The following AP3B1 variants were observed in gnomAD, a reference collection of about 807,000 sequenced individuals.
AP3B1 encodes the protein AP-3 complex subunit beta-1.
Under a neutral mutation model 132.5 loss-of-function variants are expected in AP3B1, and 61 were observed. The observed-to-expected ratio is 0.46, with a 90% CI of 0.37 to 0.57. The LOEUF is 0.57. Among genes scored for constraint, AP3B1 ranks in the 20% least tolerant of loss-of-function variants. AP3B1 has a pLI of 0.00. For synonymous variants in AP3B1, 388 were observed against 438.3 expected (o/e 0.89, Z 1.43); for missense variants, 1,120 against 1,289.4 (o/e 0.87, Z 2.01).
At chr5:78,259,827 G>C (rs748732079) in intron 2 of AP3B1, among the ~76,000 whole-genome samples, 12 of 151,978 alleles carry the variant, frequency 7.9e-5, no homozygotes, top group Non-Finnish European at 1.6e-4. Flanking sequence ...TAAATTGGCT[G>C]GGTGTGGTGG....
chr5:78,073,996 T>A (rs1285761223), intron 22 of AP3B1, among the ~76,000 whole-genome samples: 3 of 152,340 alleles, frequency 2.0e-5, no homozygotes, highest in African/African-American at 4.8e-5. Flanking sequence ...CATTAATAAC[T>A]ATAATTAGCA....
intron 22 of AP3B1, among the ~76,000 whole-genome samples, chr5:78,068,257 A>C (rs1441072325): frequency 6.6e-6 from 1 of 152,164 alleles, no homozygotes; most frequent in Non-Finnish European, 1.5e-5. Context: ...CCGGAGGTGG[A>C]GGTTGCAGTG....
rs535425278 is a variant in AP3B1 at position 78,098,497 on chromosome 5, A to T, written c.2470+2456T>A. Among the ~76,000 whole-genome samples the T allele has an allele frequency of 3.3e-5, 5 of 152,304 alleles. No individual in the cohort carries two copies. In the East Asian group the frequency reaches 9.6e-4, roughly 29 times the overall value. On this transcript the variant is annotated intron_variant, in intron 21 of 26. Transcript: ENST00000255194. ...TAACATTTACTCTTAGTTCCCTTTT[A>T]AATGTACTTTACTGTTATTCTTTTA... is the stretch of plus-strand genomic sequence containing the variant.
At chr5:78,084,227 C>A (rs1306512476) in intron 22 of AP3B1, among the ~76,000 whole-genome samples, 1 of 151,830 alleles carries the variant, frequency 6.6e-6, no homozygotes, top group African/African-American at 2.4e-5. Context: ...TCAGATGGGT[C>A]AATAAAAAGG....
intron 7 of AP3B1, among the ~76,000 whole-genome samples, chr5:78,189,539 G>A (rs982970733): frequency 2.0e-5 from 3 of 152,146 alleles, no homozygotes; most frequent in Non-Finnish European, 2.9e-5. Flanking sequence ...CACAATTGAT[G>A]CAACTGCTTC....
In AP3B1 at chr5:78,101,043, T is replaced by C. The variant is rs1250332441; in HGVS notation, c.2398-18A>G. On this transcript the variant is annotated intron_variant, in intron 20 of 26. Transcript: ENST00000255194. ...TCTTTCTCCTATAAAATAACAAATA[T>C]TTCATTTATCACACGTTCTGTTTTA... 21 of 1,398,662 alleles carry C rather than the reference T, an allele frequency of 1.5e-5. No individual in the cohort carries two copies. Among genetic ancestry groups the C allele is most frequent in the Non-Finnish European group, 2.1e-5 (21 of 999,222 alleles). 86.6% of individuals were successfully genotyped at this position (1,398,662 alleles called of 1,614,324 possible). A position where few individuals can be genotyped will look rare whatever the true frequency, so the allele number is the denominator to read the frequency against.
chr5:78,256,257 A>G (rs1042884958), intron 2 of AP3B1, among the ~76,000 whole-genome samples: 2 of 152,076 alleles, frequency 1.3e-5, no homozygotes, highest in Admixed American at 6.6e-5. Flanking sequence ...GTTAAACAAA[A>G]TTGACAAACC....
At chr5:78,135,675 A>G (rs1187126480) in intron 15 of AP3B1, among the ~76,000 whole-genome samples, 3 of 152,228 alleles carry the variant, frequency 2.0e-5, no homozygotes, top group Middle Eastern at 3.2e-3. Context: ...TAAAAATCAA[A>G]ATGAGCTAAG....
chr5:78,273,153 C>T (rs1197695856), intron 1 of AP3B1, among the ~76,000 whole-genome samples: 1 of 147,810 alleles, frequency 6.8e-6, no homozygotes, highest in Admixed American at 6.7e-5. Flanking sequence ...TAATATAATC[C>T]CAGCAGTTTG....
intron 26 of AP3B1, among the ~76,000 whole-genome samples, chr5:78,014,568 T>C (rs972352424): frequency 1.3e-5 from 2 of 152,194 alleles, no homozygotes; most frequent in African/African-American, 4.8e-5. Flanking sequence ...AAAAAAATGT[T>C]TTTTAAGGTC....
chr5:78,185,334 A>G (rs1251669888), intron 7 of AP3B1, among the ~76,000 whole-genome samples: 1 of 152,210 alleles, frequency 6.6e-6, no homozygotes, highest in East Asian at 1.9e-4. Context: ...TTCTCCTCTG[A>G]GTCTTTTAAA....
chr5:78,243,208 C>T (rs1477341965), intron 2 of AP3B1, among the ~76,000 whole-genome samples: 1 of 152,266 alleles, frequency 6.6e-6, no homozygotes, highest in South Asian at 2.1e-4. Context: ...ATTTGTACAC[C>T]TCTCTCCATT....
chr5:78,209,329 C>T (rs1319752187), intron 7 of AP3B1, among the ~76,000 whole-genome samples: 5 of 152,170 alleles, frequency 3.3e-5, no homozygotes, highest in African/African-American at 1.2e-4. Context: ...ATAATCTATT[C>T]TGTCTGAAGC....
At chr5:78,159,591 T>C (rs1405485813) in intron 13 of AP3B1, among the ~76,000 whole-genome samples, 1 of 152,224 alleles carries the variant, frequency 6.6e-6, no homozygotes, top group African/African-American at 2.4e-5. Context: ...CTGACTGACC[T>C]GCGTCTCTCT....
intron 15 of AP3B1, among the ~76,000 whole-genome samples, chr5:78,136,500 A>C (rs191848348): frequency 2.6e-5 from 4 of 152,294 alleles, no homozygotes; most frequent in Admixed American, 2.6e-4. Context: ...TACCTCAAAC[A>C]TGTACTTCAG....
intron 9 of AP3B1, 104 bp from the exon 10 acceptor site, chr5:78,175,942 G>T (rs1292646349): frequency 7.6e-6 from 7 of 917,748 alleles, no homozygotes; most frequent in Non-Finnish European, 1.3e-5. Context: ...TCAAGTGAAT[G>T]AGACTCTTAA....
At chr5:78,276,969 T>C (rs1231177504) in intron 1 of AP3B1, among the ~76,000 whole-genome samples, 9 of 140,436 alleles carry the variant, frequency 6.4e-5, no homozygotes, top group African/African-American at 2.2e-4. Flanking sequence ...CTCAGAATGC[T>C]AGGAAAAAAA....
intron 3 of AP3B1, among the ~76,000 whole-genome samples, chr5:78,240,245 CT>C (rs1338240432): frequency 1.3e-5 from 2 of 152,146 alleles, no homozygotes; most frequent in African/African-American, 4.8e-5. Context: ...GGCTTTAAAG[CT>C]TTAAACTGAG....
chr5:78,250,247 C>T (rs1747575137), intron 2 of AP3B1, among the ~76,000 whole-genome samples: 1 of 151,920 alleles, frequency 6.6e-6, no homozygotes, highest in Admixed American at 6.6e-5. Flanking sequence ...ATATATAGTA[C>T]CTATTCCCAA....
Sources: allele counts gnomAD v4.1 joint callset (sites outside exome capture counted in the v4.1 genomes callset), GRCh38; gene constraint gnomAD v4.1.1; transcripts MANE v1.5; gene names NCBI Gene and HGNC (gene_info 2026-07-23, HGNC 2026-07-21).